TEK: variants seen among roughly 807,000 people sequenced by gnomAD.
TEK encodes the protein TEK receptor tyrosine kinase.
TEK carries 43 observed loss-of-function variants against 131.8 expected under a neutral mutation model. That is an observed-to-expected ratio of 0.33 (90% CI 0.26 to 0.42). The LOEUF is 0.42. Among genes scored for constraint, TEK ranks in the 10% least tolerant of loss-of-function variants. The pLI is 1.00. For synonymous variants in TEK, 580 were observed against 491.6 expected (o/e 1.18, Z -2.38); for missense variants, 1,162 against 1,384.4 (o/e 0.84, Z 2.55).
intron 21 of TEK, among the ~76,000 whole-genome samples, chr9:27,224,251 C>A (rs1826214367): frequency 6.6e-6 from 1 of 152,174 alleles, no homozygotes; most frequent in Admixed American, 6.5e-5. Context: ...TCTTTCCTAA[C>A]TCATTTTATG....
intron 9 of TEK, among the ~76,000 whole-genome samples, chr9:27,186,761 A>G (rs749843790): frequency 1.2e-4 from 19 of 152,172 alleles, no homozygotes; most frequent in Non-Finnish European, 2.2e-4. Context: ...TTACTTCATT[A>G]GTAATCTCTT....
At chr9:27,170,217 C>T (rs1823899248) in intron 4 of TEK, among the ~76,000 whole-genome samples, 4 of 152,164 alleles carry the variant, frequency 2.6e-5, no homozygotes, top group Admixed American at 2.6e-4. Context: ...TGACCTCTTA[C>T]CTCCTACTGG....
At chr9:27,159,649 A>G (rs889948258) in intron 2 of TEK, among the ~76,000 whole-genome samples, 1 of 152,208 alleles carries the variant, frequency 6.6e-6, no homozygotes, top group Admixed American at 6.5e-5. Context: ...CTTCCTCCCA[A>G]AATAAAAGTG....
Position 27,204,920 on chromosome 9 carries a change from A to G in TEK, c.2219A>G (p.Asp740Gly). 5.0e-6 allele frequency: 8 copies of G among 1,613,908 alleles called. No individual in the cohort carries two copies. Among genetic ancestry groups the G allele is most frequent in the Non-Finnish European group, 6.8e-6 (8 of 1,179,868 alleles). ...CTGTCTTCCTGCACAGCACCAGCGG[A>G]CCTCGGAGGGGGGAAGATGCTGCTT... ...VTLPESQAPA[D>G]LGGGKMLLIA... The change falls in exon 14 of 23, where the codon GAC becomes GGC. Residue 740 changes from aspartate (D) to glycine (G), a missense_variant. Coordinates refer to ENST00000380036, the MANE Select transcript of TEK (RefSeq NM_000459.5).
rs182155426 is a variant in TEK, at chr9:27,131,056, G to A, written c.52+21414G>A. ...TCAAAACAAGATACCAATTTTCCAC[G>A]TCAAACTAGCGAAGATTAAAAACAA... On this transcript the variant is annotated intron_variant, in intron 1 of 22. Transcript: ENST00000380036. Among the ~76,000 whole-genome samples the A allele has an allele frequency of 1.2e-4, 18 of 152,280 alleles. No homozygotes were observed. The East Asian group carries it at 3.5e-3, about 29-fold the overall frequency.
chr9:27,109,705 G>C, intron 1 of TEK, 63 bp downstream of exon 1: 2 of 1,552,860 alleles, frequency 1.3e-6, no homozygotes, highest in Non-Finnish European at 1.8e-6. Context: ...TGATTTCTGG[G>C]TGCTCTCCCC....
chr9:27,171,452 C>T (rs767860185), intron 4 of TEK, among the ~76,000 whole-genome samples: 8 of 152,158 alleles, frequency 5.3e-5, no homozygotes, highest in Non-Finnish European at 1.0e-4. Flanking sequence ...TCCTTTGGGT[C>T]ATTCCCAATC....
chr9:27,217,600 A>G (rs1430612724), intron 18 of TEK, 88 bp from the exon 19 acceptor site: 2 of 1,157,674 alleles, frequency 1.7e-6, no homozygotes, highest in Non-Finnish European at 2.6e-6. Flanking sequence ...CTACCCAGCA[A>G]TCATTTGTGG....
chr9:27,213,952 A>G (rs1224811681), intron 18 of TEK, among the ~76,000 whole-genome samples: 2 of 152,202 alleles, frequency 1.3e-5, no homozygotes, highest in Admixed American at 1.3e-4. Context: ...CACAGCAAGG[A>G]AAAAAATTAA....
intron 1 of TEK, among the ~76,000 whole-genome samples, chr9:27,137,966 C>T (rs990490830): frequency 6.6e-6 from 1 of 152,042 alleles, no homozygotes; most frequent in African/African-American, 2.4e-5. Flanking sequence ...GGAGTTTCTT[C>T]CTTCCAGTGG....
At chr9:27,133,602 C>A (rs1046332803) in intron 1 of TEK, among the ~76,000 whole-genome samples, 11 of 152,152 alleles carry the variant, frequency 7.2e-5, no homozygotes, top group African/African-American at 2.7e-4. Flanking sequence ...CTAGTGCATG[C>A]CTCATCTTTC....
chr9:27,228,386 A>T (rs1012175342), intron 22 of TEK, 81 bp downstream of exon 22: 2 of 1,114,306 alleles, frequency 1.8e-6, no homozygotes, highest in Non-Finnish European at 2.7e-6. Flanking sequence ...CATTGAAATA[A>T]TTGAAGAAGT....
intron 21 of TEK, among the ~76,000 whole-genome samples, chr9:27,226,710 A>C (rs1826343301): frequency 6.6e-6 from 1 of 152,140 alleles, no homozygotes; most frequent in South Asian, 2.1e-4. Flanking sequence ...GTATCCCAGA[A>C]CTGAAAGTAT....
intron 20 of TEK, 98 bp downstream of exon 20, chr9:27,218,915 T>C (rs1825931955): frequency 8.5e-7 from 1 of 1,179,016 alleles, no homozygotes; most frequent in Non-Finnish European, 1.3e-6. Context: ...ATGCCGTTTG[T>C]ATGTGGTTCT....
At chr9:27,154,686 T>C (rs1823262774) in intron 1 of TEK, among the ~76,000 whole-genome samples, 1 of 152,206 alleles carries the variant, frequency 6.6e-6, no homozygotes, top group South Asian at 2.1e-4. Flanking sequence ...CTGGTAGGTA[T>C]GTCTTCTTAT....
chr9:27,202,621 T>C (rs1405764579), intron 12 of TEK, among the ~76,000 whole-genome samples, 199 bp from the exon 13 acceptor site: 2 of 152,204 alleles, frequency 1.3e-5, no homozygotes, highest in East Asian at 3.8e-4. Context: ...AGATAGATGA[T>C]ATGTGTTGCC....
At chr9:27,209,094 A>C (rs1270541952) in intron 15 of TEK, 27 bp from the exon 16 acceptor site, 1 of 1,537,244 alleles carries the variant, frequency 6.5e-7, no homozygotes, top group Non-Finnish European at 9.0e-7. Context: ...AACAAAGAAG[A>C]ATCACAACCC....
At chr9:27,157,759 T>A (rs1823387834) in intron 1 of TEK, 72 bp from the exon 2 acceptor site, 1 of 1,521,452 alleles carries the variant, frequency 6.6e-7, no homozygotes, top group Non-Finnish European at 9.1e-7. Flanking sequence ...CAAGGCTTTG[T>A]GAGCACCAGT....
rs80338908 is a variant in TEK at position 27,206,762 on chromosome 9, C to T, written c.2545C>T (p.Arg849Trp). Residue 849 changes from arginine to tryptophan, a missense_variant, in exon 15 of 23, where the codon CGG (arginine) becomes TGG (tryptophan). Physicochemically the swap from Arg to Trp is moderately radical, Grantham distance 101 (BLOSUM62 -3). Around this residue, in one of 6 missense-constraint regions of TEK, gnomAD observed 57 missense variants for 100.8 expected, o/e 0.57. Coordinates refer to ENST00000380036, the MANE Select transcript of TEK (RefSeq NM_000459.5). Reference protein sequence around the residue: ...LKARIKKDGLRMDAAIKRMKE... With the variant: ...LKARIKKDGLWMDAAIKRMKE... Reference sequence around the variant, plus strand: ...GGCGCGCATCAAGAAGGATGGGTTACGGATGGATGCTGCCATCAAAAGAAT... The same window carrying T: ...GGCGCGCATCAAGAAGGATGGGTTATGGATGGATGCTGCCATCAAAAGAAT... 2.5e-6 allele frequency: 4 copies of T among 1,613,884 alleles called. No individual in the cohort carries two copies. Among genetic ancestry groups the T allele is most frequent in the African/African-American group, 1.3e-5 (1 of 74,902 alleles).
Sources: allele counts gnomAD v4.1 joint callset (sites outside exome capture counted in the v4.1 genomes callset), GRCh38; gene constraint gnomAD v4.1.1; regional missense constraint gnomAD v4.1.1; transcripts MANE v1.5; gene names NCBI Gene and HGNC (gene_info 2026-07-23, HGNC 2026-07-21).